ATP8B4: variants seen among roughly 807,000 people sequenced by gnomAD.
The protein encoded by ATP8B4 is ATPase phospholipid transporting 8B4 (putative), also known as probable phospholipid-transporting ATPase IM.
A neutral mutation model predicts 145.6 loss-of-function variants in ATP8B4; 133 were observed. That is an observed-to-expected ratio of 0.91 (90% CI 0.79 to 1.05). ATP8B4 has a LOEUF of 1.05. Among genes scored for constraint, ATP8B4 ranks in the 50% least tolerant of loss-of-function variants. ATP8B4 has a pLI of 0.00. For synonymous variants in ATP8B4, 507 were observed against 492.9 expected (o/e 1.03, Z -0.38); for missense variants, 1,458 against 1,425.2 (o/e 1.02, Z -0.37).
intron 23 of ATP8B4, among the ~76,000 whole-genome samples, chr15:49,892,801 G>T (rs1210937531): frequency 6.6e-6 from 1 of 152,166 alleles, no homozygotes; most frequent in Non-Finnish European, 1.5e-5. Flanking sequence ...ACCAAATGGG[G>T]ACTCTAACAT....
chr15:50,026,389 A>C (rs1387172740), intron 6 of ATP8B4, among the ~76,000 whole-genome samples: 2 of 152,116 alleles, frequency 1.3e-5, no homozygotes, highest in African/African-American at 4.8e-5. Flanking sequence ...AGACCCAAAA[A>C]GTTTGATTCA....
chr15:49,892,857 G>A (rs1009662271), intron 23 of ATP8B4, among the ~76,000 whole-genome samples: 1 of 152,200 alleles, frequency 6.6e-6, no homozygotes, highest in Non-Finnish European at 1.5e-5. Context: ...CAGTGTAAAA[G>A]AGAAATCTTC....
rs139216682 is a variant in ATP8B4 at position 50,032,374 on chromosome 15, T to G, written c.362+6394A>C. On this transcript the variant is annotated intron_variant, in intron 6 of 27. Transcript: ENST00000284509. Reference sequence around the variant, plus strand: ...GCAAAGGATATGAACTCATTCTTTTTTATGGCTGCATAGTATTCCATGGTG... The same window carrying G: ...GCAAAGGATATGAACTCATTCTTTTGTATGGCTGCATAGTATTCCATGGTG... Among the ~76,000 whole-genome samples the G allele has an allele frequency of 9.6e-3, 1,459 of 152,368 alleles. 32 individuals are homozygous for G. Among genetic ancestry groups the G allele is most frequent in the African/African-American group, 0.034 (1,399 of 41,574 alleles).
chr15:50,060,000 C>T (rs1310649286), intron 3 of ATP8B4, among the ~76,000 whole-genome samples: 1 of 152,144 alleles, frequency 6.6e-6, no homozygotes, highest in East Asian at 1.9e-4. Context: ...TCTCTTCCCA[C>T]AATTGTCATT....
intron 19 of ATP8B4, among the ~76,000 whole-genome samples, 186 bp downstream of exon 19, chr15:49,918,653 G>A (rs1048127542): frequency 2.0e-5 from 3 of 152,178 alleles, no homozygotes; most frequent in Admixed American, 6.5e-5. Flanking sequence ...AAGGCATTTT[G>A]TTAGTTTGGT....
At chr15:49,950,607 C>CAAAAAAAAAAAAAAAAAAA (rs1489232447) in intron 14 of ATP8B4, among the ~76,000 whole-genome samples, 2 of 96,454 alleles carry the variant, frequency 2.1e-5, no homozygotes, top group Admixed American at 1.1e-4. Context: ...AAAAAACAAA[C>CAAAAAAAAAAAAAAAAAAA]AAACAAACAA....
At chr15:50,117,082 G>A (rs888083023) in intron 1 of ATP8B4, among the ~76,000 whole-genome samples, 4 of 151,546 alleles carry the variant, frequency 2.6e-5, no homozygotes, top group South Asian at 2.1e-4. Flanking sequence ...ACAGAGTCTC[G>A]CTCTGTCACC....
intron 1 of ATP8B4, among the ~76,000 whole-genome samples, chr15:50,151,030 C>T (rs2044340522): frequency 6.6e-6 from 1 of 152,162 alleles, no homozygotes; most frequent in South Asian, 2.1e-4. Context: ...TCTGTGGCAT[C>T]AGGTGGTTTT....
Position 49,973,081 on chromosome 15 carries a change from T to C in ATP8B4, c.1035-291A>G, listed in dbSNP as rs571249628. Among the ~76,000 whole-genome samples the C allele has an allele frequency of 5.1e-4, 78 of 152,284 alleles. 1 individual carries two copies. The highest frequency in any genetic ancestry group is 1.0e-3 in the Non-Finnish European group (70 of 68,020). Reference sequence around the variant, plus strand: ...ACAGGCCCGGTGGAGACTTTGTGTGTAGTGTATTATTTTGTGTCTCCTCCT... The same window carrying C: ...ACAGGCCCGGTGGAGACTTTGTGTGCAGTGTATTATTTTGTGTCTCCTCCT... On this transcript the variant is annotated intron_variant, in intron 12 of 27. Transcript: ENST00000284509.
At chr15:49,926,716 T>C (rs2040758047) in intron 16 of ATP8B4, among the ~76,000 whole-genome samples, 1 of 152,168 alleles carries the variant, frequency 6.6e-6, no homozygotes, top group Non-Finnish European at 1.5e-5. Context: ...CAATATTTAC[T>C]TAATTAAGAT....
chr15:50,178,932 A>C (rs1239442501), intron 1 of ATP8B4, among the ~76,000 whole-genome samples: 1 of 152,090 alleles, frequency 6.6e-6, no homozygotes, highest in Non-Finnish European at 1.5e-5. Context: ...TTGAGTCCCT[A>C]ACTTGGTTTC....
intron 6 of ATP8B4, among the ~76,000 whole-genome samples, chr15:50,027,242 CTGTT>C (rs1219408797): frequency 1.3e-5 from 2 of 152,192 alleles, no homozygotes; most frequent in Non-Finnish European, 2.9e-5. Flanking sequence ...AAATAAGAGT[CTGTT>C]TATTTGTCCA....
intron 26 of ATP8B4, among the ~76,000 whole-genome samples, chr15:49,864,057 C>A (rs1359047666): frequency 6.6e-6 from 1 of 152,082 alleles, no homozygotes; most frequent in Admixed American, 6.5e-5. Flanking sequence ...AAAAATAAAA[C>A]AAAAATAGTT....
intron 2 of ATP8B4, among the ~76,000 whole-genome samples, chr15:50,102,652 A>G (rs1189377441): frequency 6.6e-6 from 1 of 152,132 alleles, no homozygotes; most frequent in African/African-American, 2.4e-5. Flanking sequence ...TCACAAATGA[A>G]TTCTATCAGA....
At chr15:49,889,402 C>T (rs942933392) in intron 23 of ATP8B4, among the ~76,000 whole-genome samples, 2 of 152,194 alleles carry the variant, frequency 1.3e-5, no homozygotes, top group African/African-American at 4.8e-5. Flanking sequence ...GGAAATTCCA[C>T]CCAACATAGG....
At chr15:50,024,288 AG>A (rs746625622) in intron 6 of ATP8B4, among the ~76,000 whole-genome samples, 114 of 151,916 alleles carry the variant, frequency 7.5e-4, no homozygotes, top group Middle Eastern at 3.4e-3. Context: ...GAGCCTAGAA[AG>A]AAAAAAACCT....
chr15:49,940,148 G>A (rs184199722), intron 14 of ATP8B4, among the ~76,000 whole-genome samples: 5 of 152,200 alleles, frequency 3.3e-5, no homozygotes. Context: ...AATCAACCCA[G>A]GTGCCATCAA....
chr15:50,127,090 C>T (rs1351566534), intron 1 of ATP8B4, among the ~76,000 whole-genome samples: 1 of 152,160 alleles, frequency 6.6e-6, no homozygotes, highest in Non-Finnish European at 1.5e-5. Context: ...TTGAATCTAC[C>T]TGTAACCTGT....
At chr15:49,861,473 T>TCTACCTACCTACCTAC (rs71124313) in intron 27 of ATP8B4, among the ~76,000 whole-genome samples, 1 of 135,594 alleles carries the variant, frequency 7.4e-6, no homozygotes, top group East Asian at 2.1e-4. Flanking sequence ...TATCTATCTA[T>TCTACCTACCTACCTAC]CTACCTACCT....
Sources: gnomAD v4.1 joint callset for allele counts (sites outside exome capture counted in the v4.1 genomes callset) on GRCh38, gnomAD v4.1.1 for gene constraint, MANE v1.5 for transcripts, NCBI Gene and HGNC (gene_info 2026-07-23, HGNC 2026-07-21) for gene names.